CCDC163: variants seen among roughly 807,000 people sequenced by gnomAD.
CCDC163 encodes transmembrane protein CCDC163.
CCDC163 carries 13 observed loss-of-function variants against 8.2 expected under a neutral mutation model. That is an observed-to-expected ratio of 1.59 (90% confidence interval 1.04 to 2.54). CCDC163 has a LOEUF of 2.54. Ranked by LOEUF, CCDC163 falls within the 30% of genes most tolerant of loss-of-function variation. The pLI, the probability that CCDC163 is intolerant of heterozygous loss-of-function variation, is 0.00. For synonymous variants in CCDC163, 41 were observed against 30.9 expected, an observed-to-expected ratio of 1.33 and a Z score of -1.08; for missense variants, 117 against 78.6, an observed-to-expected ratio of 1.49 and a Z score of -1.85.
chr1:45,496,412 A>G (rs775149705), intron 4 of CCDC163, 144 bp downstream of exon 4: 4 of 700,780 alleles, frequency 5.7e-6, no homozygotes, highest in Non-Finnish European at 1.0e-5. Flanking sequence ...AGCTCTGGAG[A>G]GAGAGAGAGT....
intron 2 of CCDC163, among the ~76,000 whole-genome samples, chr1:45,497,643 C>G: frequency 1.3e-5 from 1 of 76,224 alleles, no homozygotes; most frequent in Non-Finnish European, 2.6e-5. Context: ...TCTGCCCGGC[C>G]GCCACCCCGT....
chr1:45,497,695 CGGG>C (rs1557600365), intron 2 of CCDC163, among the ~76,000 whole-genome samples: 13 of 41,304 alleles, frequency 3.1e-4, no homozygotes, highest in East Asian at 1.7e-3. Context: ...CCACCCCGTC[CGGG>C]AGGGAGGTGG....
chr1:45,497,237 G>C (rs1455222422), intron 3 of CCDC163, 62 bp downstream of exon 3: 4 of 721,132 alleles, frequency 5.5e-6, no homozygotes, highest in Non-Finnish European at 1.0e-5. Flanking sequence ...AAAAGAAGAA[G>C]ATGACTTTCC....
At chr1:45,498,250 C>T (rs1316150259) in intron 2 of CCDC163, among the ~76,000 whole-genome samples, 1 of 152,010 alleles carries the variant, frequency 6.6e-6, no homozygotes, top group Non-Finnish European at 1.5e-5. Flanking sequence ...CTGCCGAAGG[C>T]CGCAGGGTCC....
At chr1:45,495,442 TA>T (rs1654029725) in intron 4 of CCDC163, 1 of 702,736 alleles carries the variant, frequency 1.4e-6, no homozygotes, top group Non-Finnish European at 2.6e-6. Context: ...AGTTCCCAGC[TA>T]CTGTTACTGT....
Position 45,494,903 on chromosome 1 carries a change from GC to G in CCDC163, c.*155del. On this transcript the variant is annotated 3_prime_UTR_variant, in exon 5 of 5. Coordinates refer to ENST00000629482, the MANE Select transcript of CCDC163 (RefSeq NM_001102601.3). Reference sequence around the variant, plus strand: ...AGGTTGCAGTGAGCTGAGATGGGGGGCAAGGATGGGCAGGCAGTGAAAAGCC... The same window carrying G: ...AGGTTGCAGTGAGCTGAGATGGGGGGAAGGATGGGCAGGCAGTGAAAAGCC... The G allele has an allele frequency of 1.6e-6, 1 of 618,052 alleles. No homozygotes were observed. The highest frequency in any genetic ancestry group is 2.9e-6 in the Non-Finnish European group (1 of 343,960). The allele number at this position is 618,052 out of a possible 1,614,324, so 38.3% of individuals were successfully genotyped here.
chr1:45,496,563 C>T lies in CCDC163; in HGVS notation c.323G>A (p.Ser108Asn), dbSNP rs1193131483. 2 of 780,636 alleles carry T rather than the reference C, an allele frequency of 2.6e-6. No individual in the cohort carries two copies. Among genetic ancestry groups the T allele is most frequent in the Non-Finnish European group, 4.8e-6 (2 of 417,908 alleles). 48.4% of individuals were successfully genotyped at this position (780,636 alleles called of 1,614,324 possible). A position where few individuals can be genotyped will look rare whatever the true frequency, so the allele number is the denominator to read the frequency against. The change falls in exon 4 of 5, where the codon AGT becomes AAT. Residue 108 changes from serine to asparagine, a missense_variant. By Grantham distance (46) the Ser-to-Asn change is conservative. Coordinates refer to ENST00000629482, the MANE Select transcript of CCDC163 (RefSeq NM_001102601.3). ...LAEGRQAQVG[S>N]WKIPRGAPFL... ...GTCTGAACCTAGTCCTACCTTCCAA[C>T]TGCCAACCTGAGCCTGTCGTCCCTC...
Position 45,495,044 on chromosome 1 carries a change from G to C in CCDC163, c.*15C>G. 1.3e-6 allele frequency: 1 copy of C among 780,818 alleles called. No individual in the cohort carries two copies. The highest frequency in any genetic ancestry group is 2.4e-6 in the Non-Finnish European group (1 of 417,974). The allele number at this position is 780,818 out of a possible 1,614,324, so 48.4% of individuals were successfully genotyped here. A position where few individuals can be genotyped will look rare whatever the true frequency, so the allele number is the denominator to read the frequency against. On this transcript the variant is annotated 3_prime_UTR_variant, in exon 5 of 5. Transcript: ENST00000629482. ...GCCTTCATCCTACTATTCTTAACGA[G>C]TCCTTACAGGTCATTCAGGAGCATT...
chr1:45,495,004 AG>A lies in CCDC163; in HGVS notation c.*54del, dbSNP rs1318528959. On this transcript the variant is annotated 3_prime_UTR_variant, in exon 5 of 5. Coordinates refer to ENST00000629482, the MANE Select transcript of CCDC163 (RefSeq NM_001102601.3). ...GCCCAGAAACAGGGCCTTGGAGGGG[AG>A]GGTGGGCAAAGAAGCCTTCATCCTA... is the stretch of plus-strand genomic sequence containing the variant. The A allele has an allele frequency of 1.3e-6, 1 of 778,610 alleles. No homozygotes were observed. The highest frequency in any genetic ancestry group is 2.4e-6 in the Non-Finnish European group (1 of 416,940). The allele number at this position is 778,610 out of a possible 1,614,324, so 48.2% of individuals were successfully genotyped here. A position where few individuals can be genotyped will look rare whatever the true frequency, so the allele number is the denominator to read the frequency against.
chr1:45,497,636 G>A (rs1452298347), intron 2 of CCDC163, among the ~76,000 whole-genome samples: 11 of 112,070 alleles, frequency 9.8e-5, no homozygotes, highest in African/African-American at 1.4e-4. Flanking sequence ...TGCAGCCTCT[G>A]CCCGGCCGCC....
chr1:45,495,580 T>A, intron 4 of CCDC163: 1 of 696,416 alleles, frequency 1.4e-6, no homozygotes, highest in Non-Finnish European at 2.6e-6. Context: ...ACAGAGAAGA[T>A]AATGATGTAT....
chr1:45,497,087 C>T (rs780416521), intron 3 of CCDC163, among the ~76,000 whole-genome samples: 2 of 152,154 alleles, frequency 1.3e-5, no homozygotes, highest in Non-Finnish European at 2.9e-5. Context: ...GCAGGAGAAT[C>T]GCTTGGACTC....
chr1:45,499,591 A>G lies in CCDC163; in HGVS notation c.19T>C (p.Trp7Arg), dbSNP rs1202293224. The change falls in exon 1 of 5, where the codon TGG (tryptophan) becomes CGG (arginine). Residue 7 changes from tryptophan (W) to arginine (R), a missense_variant. Coordinates refer to ENST00000629482, the MANE Select transcript of CCDC163 (RefSeq NM_001102601.3). ...AGAAGCACATCCAGCTGCTCAAACC[A>G]GCTGAGGCTCGTATTCATATCCTGT... MNTSLSWFEQLDVLLNA... is the reference protein window; with the variant it reads MNTSLSRFEQLDVLLNA... The G allele has an allele frequency of 1.3e-6, 1 of 774,596 alleles. No individual in the cohort carries two copies. Among genetic ancestry groups the G allele is most frequent in the Non-Finnish European group, 2.4e-6 (1 of 415,216 alleles). The allele number at this position is 774,596 out of a possible 1,614,324, so 48.0% of individuals were successfully genotyped here.
At chr1:45,495,665 T>G in intron 4 of CCDC163, 1 of 54,700 alleles carries the variant, frequency 1.8e-5, no homozygotes, top group Non-Finnish European at 2.5e-5. Context: ...CTTTTTTTTT[T>G]TTTTTTTTTT....
chr1:45,499,348 C>T lies in CCDC163; in HGVS notation c.174G>A (p.Pro58=), dbSNP rs1411912521. 5.2e-6 allele frequency: 4 copies of T among 775,622 alleles called. No homozygotes were observed. The highest frequency in any genetic ancestry group is 2.7e-5 in the South Asian group (2 of 73,636). The allele number at this position is 775,622 out of a possible 1,614,324, so 48.0% of individuals were successfully genotyped here. A position where few individuals can be genotyped will look rare whatever the true frequency, so the allele number is the denominator to read the frequency against. The change falls in exon 2 of 5, where the codon CCG becomes CCA. Residue 58 remains proline (P), a synonymous_variant. Transcript: ENST00000629482. The stretch of plus-strand genomic sequence containing the variant: ...AGTAGAAAGAGACATTACTTACCTG[C>T]GGTGGAGACCCCAAGAAGATACAGC... ...SSGCIFLGSP[P]QNSTAVTPAV...
At chr1:45,498,171 G>A (rs1643410975) in intron 2 of CCDC163, among the ~76,000 whole-genome samples, 1 of 151,912 alleles carries the variant, frequency 6.6e-6, no homozygotes, top group African/African-American at 2.4e-5. Flanking sequence ...TTAAACAGAT[G>A]CTTGAAGGCA....
chr1:45,495,978 C>G (rs961447959), intron 4 of CCDC163, among the ~76,000 whole-genome samples: 2 of 152,140 alleles, frequency 1.3e-5, no homozygotes, highest in African/African-American at 4.8e-5. Context: ...CCCTCTGTAA[C>G]ATCCAAACAT....
At chr1:45,496,658 C>T in intron 3 of CCDC163, 35 bp from the exon 4 acceptor site, 1 of 763,596 alleles carries the variant, frequency 1.3e-6, no homozygotes, top group South Asian at 1.4e-5. Context: ...GGGCTGTTCC[C>T]CAACTTCTTT....
At chr1:45,497,921 G>A (rs1643389546) in intron 2 of CCDC163, among the ~76,000 whole-genome samples, 2 of 147,600 alleles carry the variant, frequency 1.4e-5, no homozygotes, top group Non-Finnish European at 3.0e-5. Context: ...TGACAATGGC[G>A]GCTTTGTGGA....
Sources: gnomAD v4.1 joint callset for allele counts (sites outside exome capture counted in the v4.1 genomes callset) on GRCh38, gnomAD v4.1.1 for gene constraint, MANE v1.5 for transcripts, NCBI Gene and HGNC (gene_info 2026-07-23, HGNC 2026-07-21) for gene names.